The following SEZ6L variants were observed in gnomAD, a reference collection of about 807,000 sequenced individuals.
SEZ6L encodes seizure related 6 homolog like, also known as seizure 6-like protein.
A neutral mutation model predicts 106.2 loss-of-function variants in SEZ6L; 37 were observed. The ratio of observed to expected loss-of-function variants is 0.35; its 90% CI spans 0.27 to 0.46. The LOEUF (loss-of-function observed/expected upper bound fraction) is 0.46, where lower values mean the gene tolerates loss of function less well. Among genes scored for constraint, SEZ6L ranks in the 20% least tolerant of loss-of-function variants. The probability of loss-of-function intolerance (pLI) is 1.00; values close to 1 mark genes in which losing one functional copy is unlikely to be tolerated. For missense variants in SEZ6L, 1,172 were observed against 1,332.8 expected (o/e 0.88, Z 1.88); for synonymous variants, 541 against 570.4 (o/e 0.95, Z 0.73).
chr22:26,284,890 T>TC (rs2080887319), intron 1 of SEZ6L, among the ~76,000 whole-genome samples: 1 of 151,972 alleles, frequency 6.6e-6, no homozygotes, highest in Non-Finnish European at 1.5e-5. Flanking sequence ...ACAAGTCACT[T>TC]CCCCCATAGG....
At chr22:26,361,822 A>G (rs1029091439) in intron 12 of SEZ6L, among the ~76,000 whole-genome samples, 5 of 152,136 alleles carry the variant, frequency 3.3e-5, no homozygotes, top group African/African-American at 7.2e-5. Context: ...CCTTTAAATG[A>G]AATGATGTGA....
intron 1 of SEZ6L, chr22:26,244,377 C>T (rs2079253875): frequency 6.6e-6 from 1 of 152,250 alleles, no homozygotes; most frequent in African/African-American, 2.4e-5. Context: ...GGTGTTAAGT[C>T]CTAGCCACTG....
chr22:26,300,459 C>A (rs1169510303), intron 5 of SEZ6L, among the ~76,000 whole-genome samples: 3 of 152,208 alleles, frequency 2.0e-5, no homozygotes, highest in African/African-American at 7.2e-5. Context: ...CCAGCTTCAT[C>A]CATATCCCTA....
intron 1 of SEZ6L, among the ~76,000 whole-genome samples, chr22:26,180,484 T>A (rs1939320462): frequency 6.6e-6 from 1 of 152,244 alleles, no homozygotes; most frequent in South Asian, 2.1e-4. Flanking sequence ...AATGAATGAA[T>A]GATATGCAGT....
intron 1 of SEZ6L, among the ~76,000 whole-genome samples, chr22:26,248,449 C>T (rs767430285): frequency 6.6e-5 from 10 of 152,136 alleles, no homozygotes; most frequent in Non-Finnish European, 8.8e-5. Context: ...CGAACTCCTG[C>T]GCTCAAGCAA....
At chr22:26,267,441 T>G (rs2080226526) in intron 1 of SEZ6L, among the ~76,000 whole-genome samples, 1 of 152,222 alleles carries the variant, frequency 6.6e-6, no homozygotes, top group Non-Finnish European at 1.5e-5. Flanking sequence ...TAGAGAGCTT[T>G]GAATGCTAGG....
chr22:26,261,704 T>C (rs1441089699), intron 1 of SEZ6L, among the ~76,000 whole-genome samples: 1 of 152,204 alleles, frequency 6.6e-6, no homozygotes, highest in Non-Finnish European at 1.5e-5. Flanking sequence ...AAGCATAAAG[T>C]ACAGATGCTG....
intron 1 of SEZ6L, among the ~76,000 whole-genome samples, chr22:26,204,310 T>C (rs1941169326): frequency 6.6e-6 from 1 of 152,202 alleles, no homozygotes. Context: ...TAACTACTAT[T>C]GTGATGGGTG....
At chr22:26,212,839 AG>A (rs2078199855) in intron 1 of SEZ6L, among the ~76,000 whole-genome samples, 1 of 152,212 alleles carries the variant, frequency 6.6e-6, no homozygotes, top group African/African-American at 2.4e-5. Flanking sequence ...CTGGAGAATA[AG>A]ACTGCAAATG....
chr22:26,260,697 T>C (rs2079972991), intron 1 of SEZ6L, among the ~76,000 whole-genome samples: 1 of 152,192 alleles, frequency 6.6e-6, no homozygotes, highest in South Asian at 2.1e-4. Flanking sequence ...ATCATGTGTG[T>C]GCAAGTATCT....
chr22:26,262,013 T>G (rs931256808), intron 1 of SEZ6L, among the ~76,000 whole-genome samples: 21 of 152,132 alleles, frequency 1.4e-4, no homozygotes, highest in African/African-American at 5.1e-4. Flanking sequence ...AAGGAGTTTG[T>G]TTGACCCAGC....
At chr22:26,179,402 A>C (rs1442690118) in intron 1 of SEZ6L, among the ~76,000 whole-genome samples, 1 of 152,162 alleles carries the variant, frequency 6.6e-6, no homozygotes, top group African/African-American at 2.4e-5. Context: ...AAAAAACAAC[A>C]AATGGAGAGA....
chr22:26,252,016 G>A (rs2079609981), intron 1 of SEZ6L, among the ~76,000 whole-genome samples: 1 of 152,160 alleles, frequency 6.6e-6, no homozygotes, highest in Non-Finnish European at 1.5e-5. Context: ...GTGAATGGCG[G>A]CAGCAGGAGC....
intron 1 of SEZ6L, among the ~76,000 whole-genome samples, chr22:26,266,319 G>C (rs2080176769): frequency 6.6e-6 from 1 of 151,898 alleles, no homozygotes; most frequent in South Asian, 2.1e-4. Context: ...CCAGCACTTT[G>C]GGAGGCCAAG....
At chr22:26,370,704 A>G (rs2084001161) in intron 13 of SEZ6L, among the ~76,000 whole-genome samples, 9 of 151,978 alleles carry the variant, frequency 5.9e-5, no homozygotes, top group Admixed American at 2.6e-4. Context: ...ACAGAAAAAA[A>G]AAAAGAAAAG....
At chr22:26,301,770 A>G (rs962555564) in intron 5 of SEZ6L, among the ~76,000 whole-genome samples, 1 of 152,254 alleles carries the variant, frequency 6.6e-6, no homozygotes. Context: ...CAGATGCACT[A>G]GCACATGCTA....
chr22:26,264,764 A>T (rs1349826607), intron 1 of SEZ6L, among the ~76,000 whole-genome samples: 1 of 152,222 alleles, frequency 6.6e-6, no homozygotes, highest in Non-Finnish European at 1.5e-5. Flanking sequence ...GGAAAGCCAA[A>T]TTTGGCCAGT....
intron 12 of SEZ6L, among the ~76,000 whole-genome samples, chr22:26,355,240 A>G (rs887582574): frequency 5.9e-5 from 9 of 152,238 alleles, no homozygotes; most frequent in Admixed American, 1.3e-4. Flanking sequence ...GCAAAGAAGG[A>G]CTGGAGAGGG....
rs10630741 is a variant in SEZ6L, at chr22:26,318,409, CA to C, written c.2015+4519del. 1.3e-3 allele frequency among the ~76,000 whole-genome samples: 189 copies of C among 145,948 alleles called. 3 individuals are homozygous for C. Among genetic ancestry groups the C allele is most frequent in the South Asian group, 0.012 (55 of 4,602 alleles). Reference sequence around the variant, plus strand: ...TTTTTAAAAATAGCATCCCCTCCTCCAAAAAAAAAAAAGTGCCTACTGGCTG... The same window carrying C: ...TTTTTAAAAATAGCATCCCCTCCTCCAAAAAAAAAAAGTGCCTACTGGCTG... On this transcript the variant is annotated intron_variant, in intron 9 of 16. Coordinates refer to ENST00000248933, the MANE Select transcript of SEZ6L (RefSeq NM_021115.5).
Sources: gnomAD v4.1 joint callset for allele counts (sites outside exome capture counted in the v4.1 genomes callset) on GRCh38, gnomAD v4.1.1 for gene constraint, MANE v1.5 for transcripts, NCBI Gene and HGNC (gene_info 2026-07-23, HGNC 2026-07-21) for gene names.